The following DNAH5 variants were observed in gnomAD, a reference collection of about 807,000 sequenced individuals.
The protein encoded by DNAH5 is axonemal beta dynein heavy chain 5.
Under a neutral mutation model 518.2 loss-of-function variants are expected in DNAH5, and 372 were observed. The observed-to-expected ratio is 0.72, with a 90% CI of 0.66 to 0.78. The LOEUF is 0.78. Among genes scored for constraint, DNAH5 ranks in the 30% least tolerant of loss-of-function variants. The probability of loss-of-function intolerance (pLI) is 0.00; values close to 1 mark genes in which losing one functional copy is unlikely to be tolerated. For missense variants in DNAH5, 5,523 were observed against 5,687.0 expected (o/e 0.97, Z 0.93); for synonymous variants, 2,039 against 2,025.9 (o/e 1.01, Z -0.17).
In DNAH5 at chr5:13,751,016, T is replaced by C. The variant is rs116859388; in HGVS notation, c.11211+62A>G. 56 of 1,554,120 alleles carry C rather than the reference T, an allele frequency of 3.6e-5. 1 individual carries two copies. The East Asian group carries it at 1.2e-3, about 34-fold the overall frequency. On this transcript the variant is annotated intron_variant, in intron 65 of 78. Coordinates refer to ENST00000265104, the MANE Select transcript of DNAH5 (RefSeq NM_001369.3). Reference sequence around the variant, plus strand: ...CCTATTACAACTGTTATTATCTTATTTTTGTCAATGAAATATGACATTAAA... The same window carrying C: ...CCTATTACAACTGTTATTATCTTATCTTTGTCAATGAAATATGACATTAAA...
At chr5:13,827,158 G>A (rs1346928574) in intron 38 of DNAH5, among the ~76,000 whole-genome samples, 3 of 152,142 alleles carry the variant, frequency 2.0e-5, no homozygotes, top group Non-Finnish European at 4.4e-5. Context: ...AAATTTCTAA[G>A]CGGCAAAGCT....
rs1770968042 is a variant in DNAH5, at chr5:13,876,860, A to G, written c.3263-43T>C. 5.0e-6 allele frequency: 8 copies of G among 1,591,228 alleles called. No individual in the cohort carries two copies. In the Admixed American group the frequency reaches 1.3e-4, roughly 27 times the overall value. ...AGAGAAAACTTTACACTACTCACAC[A>G]AGAATGTACTTTCAGGAGATGAGGA... On this transcript the variant is annotated intron_variant, in intron 21 of 78. Coordinates refer to ENST00000265104, the MANE Select transcript of DNAH5 (RefSeq NM_001369.3).
chr5:13,811,706 G>T lies in DNAH5; in HGVS notation c.7348C>A (p.Leu2450Met). ...CTCTGTGTGATGACAAAGGCCTCCA[G>T]CACCTCCATCTTGTATTCTAAGTTC... Reference protein sequence around the residue: ...IQNLEYKMEVLEAFVITQSIN... With the variant: ...IQNLEYKMEVMEAFVITQSIN... Residue 2450 changes from leucine (L) to methionine (M), a missense_variant, in exon 44 of 79, where the codon CTG becomes ATG. Leu to Met is a conservative substitution (Grantham distance 15). Around this residue, in one of 3 missense-constraint regions of DNAH5, gnomAD observed 5,121 missense variants for 5,223.3 expected, o/e 0.98. Coordinates refer to ENST00000265104, the MANE Select transcript of DNAH5 (RefSeq NM_001369.3). 1 of 1,614,154 alleles carries T rather than the reference G, an allele frequency of 6.2e-7. No homozygotes were observed.
At chr5:13,925,510 C>T (rs1777775208) in intron 3 of DNAH5, among the ~76,000 whole-genome samples, 1 of 152,126 alleles carries the variant, frequency 6.6e-6, no homozygotes, top group African/African-American at 2.4e-5. Flanking sequence ...TTCCACGTGG[C>T]TGGGGAAGCC....
intron 1 of DNAH5, among the ~76,000 whole-genome samples, chr5:13,934,132 T>C (rs1778688871): frequency 6.6e-6 from 1 of 152,206 alleles, no homozygotes; most frequent in South Asian, 2.1e-4. Context: ...CTTCACCTTC[T>C]GCCTTTGCAC....
In DNAH5 at chr5:13,940,498, T is replaced by G. The variant is rs1254757741; in HGVS notation, c.57+3884A>C. ...TTCCCTTATTCATACAACAAACCAC[T>G]GTGCTTAAAGCTGGCCACTCATTGG... On this transcript the variant is annotated intron_variant, in intron 1 of 78. Transcript: ENST00000265104. Among the ~76,000 whole-genome samples the G allele has an allele frequency of 2.0e-5, 3 of 152,278 alleles. No homozygotes were observed. The East Asian group carries it at 5.8e-4, about 29-fold the overall frequency.
chr5:13,818,754 C>T (rs1027456979), intron 41 of DNAH5, among the ~76,000 whole-genome samples: 1 of 152,186 alleles, frequency 6.6e-6, no homozygotes, highest in East Asian at 1.9e-4. Flanking sequence ...CAGAACCTGA[C>T]AGATCTTCAA....
chr5:13,909,987 AC>A (rs1452799320), intron 12 of DNAH5, among the ~76,000 whole-genome samples: 1 of 152,198 alleles, frequency 6.6e-6, no homozygotes, highest in Non-Finnish European at 1.5e-5. Flanking sequence ...CATATAAGCT[AC>A]AGAAGTACCA....
intron 70 of DNAH5, 45 bp from the exon 71 acceptor site, chr5:13,721,290 T>C: frequency 3.1e-6 from 5 of 1,613,138 alleles, no homozygotes; most frequent in Non-Finnish European, 4.2e-6. Context: ...TTCCAACTCT[T>C]TCATGTAGAT....
intron 64 of DNAH5, 73 bp from the exon 65 acceptor site, chr5:13,751,333 A>C: frequency 3.7e-6 from 5 of 1,358,892 alleles, no homozygotes; most frequent in Non-Finnish European, 5.1e-6. Context: ...GTATCAGATC[A>C]AGTATTGTTT....
intron 1 of DNAH5, among the ~76,000 whole-genome samples, chr5:13,937,816 G>T (rs937405989): frequency 6.6e-6 from 1 of 152,026 alleles, no homozygotes; most frequent in African/African-American, 2.4e-5. Context: ...TTTGACTTGA[G>T]CATTTTGTTC....
At chr5:13,705,467 G>A (rs778393646) in intron 76 of DNAH5, among the ~76,000 whole-genome samples, 1 of 152,114 alleles carries the variant, frequency 6.6e-6, no homozygotes, top group Non-Finnish European at 1.5e-5. Flanking sequence ...TATAATTTTT[G>A]TCAAGTAAAA....
intron 51 of DNAH5, among the ~76,000 whole-genome samples, chr5:13,787,227 C>T (rs1756182979): frequency 6.6e-6 from 1 of 151,648 alleles, no homozygotes; most frequent in Admixed American, 6.6e-5. Flanking sequence ...AGGATAATGC[C>T]CAAGAAAAAG....
chr5:13,991,705 A>AG (rs1042029018), intron 1 of DNAH5, among the ~76,000 whole-genome samples: 8 of 152,194 alleles, frequency 5.3e-5, no homozygotes, highest in African/African-American at 1.9e-4. Context: ...CAGAGGTGTG[A>AG]GGGGGAGCCC....
chr5:13,911,868 A>G (rs1293165031), intron 11 of DNAH5, among the ~76,000 whole-genome samples: 1 of 152,214 alleles, frequency 6.6e-6, no homozygotes, highest in East Asian at 1.9e-4. Flanking sequence ...AATAGTTTAA[A>G]TCTTCTCAGA....
At chr5:13,814,204 A>C (rs547744512) in intron 43 of DNAH5, among the ~76,000 whole-genome samples, 1 of 152,350 alleles carries the variant, frequency 6.6e-6, no homozygotes, top group Non-Finnish European at 1.5e-5. Context: ...TGCAATTTTA[A>C]TAAACTGACT....
intron 65 of DNAH5, among the ~76,000 whole-genome samples, chr5:13,742,917 G>C (rs1185596788): frequency 6.6e-6 from 1 of 151,596 alleles, no homozygotes; most frequent in Non-Finnish European, 1.5e-5. Context: ...AAGTTTATCT[G>C]AGAAAAAAAA....
chr5:14,005,434 A>C (rs965197105), intron 1 of DNAH5, among the ~76,000 whole-genome samples: 1 of 152,188 alleles, frequency 6.6e-6, no homozygotes, highest in Non-Finnish European at 1.5e-5. Flanking sequence ...TCACAGGAAC[A>C]CAAAAATAAA....
intron 14 of DNAH5, 68 bp downstream of exon 14, chr5:13,901,184 C>T: frequency 6.5e-7 from 1 of 1,531,596 alleles, no homozygotes; most frequent in Admixed American, 1.7e-5. Flanking sequence ...AGAAATAACA[C>T]TGTCAAATGC....
Sources: allele counts gnomAD v4.1 joint callset (sites outside exome capture counted in the v4.1 genomes callset), GRCh38; gene constraint gnomAD v4.1.1; regional missense constraint gnomAD v4.1.1; transcripts MANE v1.5; gene names NCBI Gene and HGNC (gene_info 2026-07-23, HGNC 2026-07-21).